Variants in AGBL3 observed in about 807,000 individuals in gnomAD.
AGBL3 encodes the protein cytosolic carboxypeptidase 3.
A neutral mutation model predicts 94.5 loss-of-function variants in AGBL3; 68 were observed. The ratio of observed to expected loss-of-function variants is 0.72; its 90% CI spans 0.59 to 0.88. The LOEUF (loss-of-function observed/expected upper bound fraction) is 0.88, where lower values mean the gene tolerates loss of function less well. AGBL3 is among the 40% of genes least tolerant of loss of function. AGBL3 has a pLI of 0.00. For synonymous variants in AGBL3, 354 were observed against 370.7 expected (o/e 0.95, Z 0.52); for missense variants, 934 against 1,103.8 (o/e 0.85, Z 2.18).
chr7:135,009,546 A>G (rs1365949656), intron 4 of AGBL3, among the ~76,000 whole-genome samples: 4 of 152,098 alleles, frequency 2.6e-5, no homozygotes, highest in Non-Finnish European at 4.4e-5. Context: ...GTTTTCTACT[A>G]ATGTCTTATT....
rs772358275 is a variant in AGBL3 at position 135,032,923 on chromosome 7, C to A, written c.498C>A (p.Asp166Glu). ...TGAAGCAGCCTGTGGATTACCGTGA[C>A]AATACTTTGATGTTTGAAGCAAGGT... ...TPLKQPVDYR[D>E]NTLMFEARFE... The change falls in exon 6 of 17, where the codon GAC becomes GAA. Residue 166 changes from aspartate to glutamate, a missense_variant. This residue lies in a region of AGBL3 where 488 missense variants were observed against 563.6 expected (regional missense o/e 0.87). Transcript: ENST00000436302. 8 of 1,551,540 alleles carry A rather than the reference C, an allele frequency of 5.2e-6. No homozygotes were observed. In the South Asian group the frequency reaches 9.5e-5, roughly 18 times the overall value.
intron 3 of AGBL3, among the ~76,000 whole-genome samples, chr7:134,991,162 G>C (rs1810193090): frequency 7.4e-6 from 1 of 135,100 alleles, no homozygotes; most frequent in Non-Finnish European, 1.5e-5. Context: ...TCTTGCACAT[G>C]TGTAATTCAG....
chr7:135,036,330 A>G (rs1019960366), intron 7 of AGBL3, among the ~76,000 whole-genome samples: 1 of 150,146 alleles, frequency 6.7e-6, no homozygotes, highest in African/African-American at 2.4e-5. Context: ...GTTAAATTAT[A>G]TAGACCAAAG....
intron 16 of AGBL3, among the ~76,000 whole-genome samples, chr7:135,120,078 TGAAGA>T (rs1826927400): frequency 6.6e-6 from 1 of 151,498 alleles, no homozygotes; most frequent in Non-Finnish European, 1.5e-5. Flanking sequence ...TAAAAGAAAA[TGAAGA>T]GAATTTTTCA....
rs570834147 is a variant in AGBL3, at chr7:135,119,469, G to T, written c.2342+3858G>T. Among the ~76,000 whole-genome samples, 16 of 151,636 alleles carry T rather than the reference G, an allele frequency of 1.1e-4. No homozygotes were observed. In the East Asian group the frequency reaches 3.1e-3, roughly 30 times the overall value. The stretch of plus-strand genomic sequence containing the variant: ...TGGTCTCGAACTCCTGACCTCAAGT[G>T]ATCTGACTCCCTCAGCTCCCAAAGT... On this transcript the variant is annotated intron_variant, in intron 16 of 16. Transcript: ENST00000436302.
At chr7:135,110,417 T>C (rs1825457337) in intron 15 of AGBL3, among the ~76,000 whole-genome samples, 1 of 152,208 alleles carries the variant, frequency 6.6e-6, no homozygotes, top group Non-Finnish European at 1.5e-5. Flanking sequence ...TGTATATGCC[T>C]GAGTAGCTGC....
At chr7:135,117,729 T>C (rs1826529066) in intron 16 of AGBL3, among the ~76,000 whole-genome samples, 1 of 152,222 alleles carries the variant, frequency 6.6e-6, no homozygotes. Flanking sequence ...TTTCCTACTT[T>C]TTAATATTTC....
intron 15 of AGBL3, among the ~76,000 whole-genome samples, chr7:135,084,610 C>T (rs923128010): frequency 3.5e-4 from 54 of 152,240 alleles, no homozygotes; most frequent in African/African-American, 1.3e-3. Flanking sequence ...CTTCCTGTGG[C>T]TGGCTTATTT....
intron 12 of AGBL3, among the ~76,000 whole-genome samples, chr7:135,065,505 A>G (rs1336985962): frequency 6.6e-6 from 1 of 152,224 alleles, no homozygotes; most frequent in African/African-American, 2.4e-5. Context: ...AGCAAAATAG[A>G]AAGCCCAGAA....
intron 5 of AGBL3, among the ~76,000 whole-genome samples, chr7:135,027,214 A>AT (rs1480770130): frequency 6.6e-6 from 1 of 151,330 alleles, no homozygotes; most frequent in African/African-American, 2.4e-5. Context: ...TGTTCGGCTA[A>AT]TTTTTTGTAT....
intron 12 of AGBL3, among the ~76,000 whole-genome samples, chr7:135,068,849 T>A (rs940529377): frequency 3.9e-5 from 6 of 152,112 alleles, no homozygotes; most frequent in Non-Finnish European, 5.9e-5. Flanking sequence ...AATAACCAGC[T>A]AACATCACGA....
rs530042348 is a variant in AGBL3, at chr7:135,109,883, C to T, written c.2111-5497C>T. 1.2e-3 allele frequency among the ~76,000 whole-genome samples: 185 copies of T among 152,292 alleles called. 1 individual carries two copies. Among genetic ancestry groups the T allele is most frequent in the African/African-American group, 4.3e-3 (177 of 41,550 alleles). On this transcript the variant is annotated intron_variant, in intron 15 of 16. Coordinates refer to ENST00000436302, the MANE Select transcript of AGBL3 (RefSeq NM_178563.4). ...GCAAAGACGGTGGCCCATCCTTTCT[C>T]GTGGAAGCTCTATACCAGGGAGGCT...
chr7:135,017,099 G>C lies in AGBL3; in HGVS notation c.358G>C (p.Glu120Gln). The C allele has an allele frequency of 6.4e-7, 1 of 1,551,328 alleles. No homozygotes were observed. The highest frequency in any genetic ancestry group is 8.7e-7 in the Non-Finnish European group (1 of 1,146,386). ...GCCAGTGTATATCCCAACGGGCTTAGAAACGGAACCCCTTTATCCAGACTC... is the reference window on the plus strand; with the variant it reads ...GCCAGTGTATATCCCAACGGGCTTACAAACGGAACCCCTTTATCCAGACTC... Reference protein sequence around the residue: ...PEPVYIPTGLETEPLYPDSKE... With the variant: ...PEPVYIPTGLQTEPLYPDSKE... The change falls in exon 5 of 17, where the codon GAA becomes CAA. Residue 120 changes from glutamate to glutamine, a missense_variant. Glu to Gln is a conservative substitution (Grantham distance 29). Transcript: ENST00000436302.
chr7:135,046,003 T>C (rs575905441), intron 11 of AGBL3, 92 bp downstream of exon 11: 1 of 908,058 alleles, frequency 1.1e-6, no homozygotes, highest in African/African-American at 1.7e-5. Context: ...AGTTCTCAAC[T>C]GAAAATCCCA....
rs956100546 is a variant in AGBL3 at position 135,045,560 on chromosome 7, C to G, written c.1714C>G (p.Pro572Ala). 12 of 1,550,814 alleles carry G rather than the reference C, an allele frequency of 7.7e-6. No individual in the cohort carries two copies. In the Admixed American group the frequency reaches 2.2e-4, roughly 28 times the overall value. ...FCDSLLDYCD[P>A]DRTKYYRCLK... is the part of the protein sequence containing the mutation. ...TGATTCTCTCTTGGATTATTGTGAT[C>G]CCGACCGGACCAAGGTAAGCAAAGT... Residue 572 changes from proline to alanine, a missense_variant, in exon 10 of 17, where the codon CCC becomes GCC. By Grantham distance (27) the Pro-to-Ala change is conservative. Transcript: ENST00000436302.
intron 16 of AGBL3, among the ~76,000 whole-genome samples, chr7:135,116,892 T>A (rs1010182174): frequency 1.3e-5 from 2 of 152,188 alleles, no homozygotes; most frequent in Non-Finnish European, 2.9e-5. Context: ...TTTTTGTGCA[T>A]GTGTCTGGGC....
chr7:135,030,798 C>G (rs1340960231), intron 5 of AGBL3, among the ~76,000 whole-genome samples: 1 of 151,744 alleles, frequency 6.6e-6, no homozygotes, highest in African/African-American at 2.4e-5. Context: ...TTATTTGTTT[C>G]CAAGTTCACT....
At chr7:135,036,803 G>T (rs1816355554) in intron 7 of AGBL3, among the ~76,000 whole-genome samples, 1 of 152,170 alleles carries the variant, frequency 6.6e-6, no homozygotes, top group South Asian at 2.1e-4. Context: ...GAAAATACGT[G>T]AAAGGTAATG....
intron 11 of AGBL3, chr7:135,051,122 GAA>G: frequency 2.5e-6 from 1 of 393,404 alleles, no homozygotes; most frequent in Admixed American, 3.5e-5. Context: ...TTGGAAGAAA[GAA>G]TGTACTAATT....
Sources: allele counts gnomAD v4.1 joint callset (sites outside exome capture counted in the v4.1 genomes callset), GRCh38; gene constraint gnomAD v4.1.1; regional missense constraint gnomAD v4.1.1; transcripts MANE v1.5; gene names NCBI Gene and HGNC (gene_info 2026-07-23, HGNC 2026-07-21).